The following ABCC8 variants were observed in gnomAD, a reference collection of about 807,000 sequenced individuals.
ABCC8 encodes ATP-binding cassette sub-family C member 8.
A neutral mutation model predicts 188.0 loss-of-function variants in ABCC8; 137 were observed. That is an observed-to-expected ratio of 0.73 (90% CI 0.63 to 0.84). The LOEUF (loss-of-function observed/expected upper bound fraction) is 0.84, where lower values mean the gene tolerates loss of function less well. ABCC8 is among the 40% of genes least tolerant of loss of function. The probability of loss-of-function intolerance (pLI) is 0.00; values close to 1 mark genes in which losing one functional copy is unlikely to be tolerated. For synonymous variants in ABCC8, 797 were observed against 846.5 expected, an observed-to-expected ratio of 0.94 and a Z score of 1.01; for missense variants, 1,750 against 2,072.7, an observed-to-expected ratio of 0.84 and a Z score of 3.02.
At chr11:17,458,676 A>G (rs144083520) in intron 6 of ABCC8, among the ~76,000 whole-genome samples, 1 of 152,338 alleles carries the variant, frequency 6.6e-6, no homozygotes, top group Non-Finnish European at 1.5e-5. Context: ...TAAAGTAGAG[A>G]GGCTCAAAAA....
chr11:17,430,504 A>C (rs541313600), intron 12 of ABCC8: 6 of 415,492 alleles, frequency 1.4e-5, no homozygotes, highest in South Asian at 1.3e-4. Context: ...AGTTAGGACC[A>C]GTGGGTAGAA....
At position 17,397,273 on chromosome 11, in the gene ABCC8, T is replaced by C; in HGVS notation, c.3908A>G (p.Asp1303Gly). 1 of 1,613,344 alleles carries C rather than the reference T, an allele frequency of 6.2e-7. No homozygotes were observed. ...YLNWMVRNLA[D>G]MELQLGAVKR... ...CACAGCCCCCAGCTGGAGCTCCATG[T>C]CTGCCAGGTTCCTCACCATCCAGTT... The change falls in exon 32 of 39, where the codon GAC (aspartate) becomes GGC (glycine). Residue 1303 changes from aspartate to glycine, a missense_variant. Transcript: ENST00000389817.
At chr11:17,395,336 C>A (rs1039460669) in intron 35 of ABCC8, 61 bp from the exon 36 acceptor site, 7 of 1,551,144 alleles carry the variant, frequency 4.5e-6, no homozygotes, top group Non-Finnish European at 5.2e-6. Flanking sequence ...CATCCCCAGG[C>A]GGCAAAGAGG....
intron 10 of ABCC8, among the ~76,000 whole-genome samples, chr11:17,434,984 C>CGCGCGTGTGTGTGTGTGT (rs71457876): frequency 5.5e-5 from 8 of 144,650 alleles, no homozygotes; most frequent in Non-Finnish European, 1.0e-4. Flanking sequence ...CGTGTGTTCG[C>CGCGCGTGTGTGTGTGTGT]GTGTGTGTGT....
chr11:17,401,613 T>C (rs1439362129), intron 29 of ABCC8, among the ~76,000 whole-genome samples: 2 of 152,206 alleles, frequency 1.3e-5, no homozygotes, highest in Admixed American at 1.3e-4. Flanking sequence ...ACTGTCATAC[T>C]TCGTGCAGCT....
intron 5 of ABCC8, 178 bp downstream of exon 5, chr11:17,461,405 C>T (rs1274386459): frequency 1.3e-6 from 1 of 789,506 alleles, no homozygotes; most frequent in Non-Finnish European, 2.1e-6. Context: ...CCTATGAATC[C>T]TCAGCCCTGC....
At chr11:17,457,925 A>G (rs1957053640) in intron 6 of ABCC8, among the ~76,000 whole-genome samples, 1 of 152,212 alleles carries the variant, frequency 6.6e-6, no homozygotes, top group African/African-American at 2.4e-5. Context: ...AAACACTGCA[A>G]CATGTAGCTA....
In ABCC8 at chr11:17,476,602, C is replaced by G. The variant is rs200981193; in HGVS notation, c.148+27G>C. On this transcript the variant is annotated intron_variant, in intron 1 of 38. Transcript: ENST00000389817. ...CTCCCTCCCTGCTCTCCCGTCCCCT[C>G]CTCCGCGGCTCGCTGCGCGCACTCA... The G allele has an allele frequency of 2.1e-5, 34 of 1,608,030 alleles. No homozygotes were observed. In the African/African-American group the frequency reaches 3.8e-4, roughly 18 times the overall value.
At chr11:17,465,672 C>T (rs2133694683) in intron 3 of ABCC8, 1 of 152,304 alleles carries the variant, frequency 6.6e-6, no homozygotes, top group African/African-American at 2.4e-5. Context: ...ATTCTTCTCC[C>T]TCGCCCCACA....
At chr11:17,443,423 C>G in intron 8 of ABCC8, 111 bp from the exon 9 acceptor site, 1 of 1,575,516 alleles carries the variant, frequency 6.3e-7, no homozygotes, top group Admixed American at 1.8e-5. Flanking sequence ...AGCCTTGGTG[C>G]CCAGGTTTCC....
intron 22 of ABCC8, among the ~76,000 whole-genome samples, chr11:17,409,253 G>A (rs894641740): frequency 2.0e-5 from 3 of 151,970 alleles, no homozygotes; most frequent in East Asian, 1.9e-4. Context: ...CACCGCGCCC[G>A]GCTCAATAAA....
chr11:17,446,470 G>C (rs565510217), intron 8 of ABCC8, among the ~76,000 whole-genome samples: 3 of 152,136 alleles, frequency 2.0e-5, no homozygotes, highest in Non-Finnish European at 4.4e-5. Context: ...TTAGAGATGA[G>C]GTCTCTCTAT....
At chr11:17,453,514 A>G (rs535882535) in intron 6 of ABCC8, among the ~76,000 whole-genome samples, 1 of 152,248 alleles carries the variant, frequency 6.6e-6, no homozygotes, top group African/African-American at 2.4e-5. Context: ...CACTTGGGGG[A>G]ACAGAATGGG....
chr11:17,431,977 C>G (rs1346223299), intron 11 of ABCC8, among the ~76,000 whole-genome samples: 2 of 152,180 alleles, frequency 1.3e-5, no homozygotes, highest in Non-Finnish European at 2.9e-5. Flanking sequence ...TTTAATTTCT[C>G]TAAATACTAA....
At chr11:17,463,114 C>T (rs994857239) in intron 4 of ABCC8, among the ~76,000 whole-genome samples, 24 of 152,038 alleles carry the variant, frequency 1.6e-4, no homozygotes, top group African/African-American at 5.3e-4. Flanking sequence ...AAAGCAAAGT[C>T]CCCCACCCCC....
At chr11:17,428,004 A>C (rs1955663698) in intron 14 of ABCC8, 62 bp from the exon 15 acceptor site, 4 of 1,594,914 alleles carry the variant, frequency 2.5e-6, no homozygotes, top group Non-Finnish European at 2.6e-6. Flanking sequence ...CCCAGTGAAT[A>C]GTCTCTGGCT....
At chr11:17,392,538 A>C (rs1218325192), downstream of ABCC8, 3 of 273,590 alleles carry the variant, frequency 1.1e-5, no homozygotes, top group Admixed American at 5.0e-5. Flanking sequence ...CTTTTAAGAC[A>C]CAGAGAGAAA....
chr11:17,404,721 T>C lies in ABCC8; in HGVS notation c.3400-52A>G. On this transcript the variant is annotated intron_variant, in intron 27 of 38. Transcript: ENST00000389817. This position sits in a 1 kb window ranked among gnomAD's most constrained non-coding sequence, Gnocchi z 4.7. ...AGGTGAATTTTGGTATTGACTGTGT[T>C]TAGAGTGCTACTGGCCGCCATGTTT... is the stretch of plus-strand genomic sequence containing the variant. 6.4e-7 allele frequency: 1 copy of C among 1,560,698 alleles called. No homozygotes were observed. The highest frequency in any genetic ancestry group is 8.7e-7 in the Non-Finnish European group (1 of 1,153,180).
At position 17,442,838 on chromosome 11, in the gene ABCC8, G is replaced by A. The variant is rs148811815; in HGVS notation, c.1512C>T (p.Arg504=). 79 of 1,613,920 alleles carry A rather than the reference G, an allele frequency of 4.9e-5. No homozygotes were observed. Among genetic ancestry groups the A allele is most frequent in the Non-Finnish European group, 5.8e-5 (69 of 1,180,042 alleles). Residue 504 remains arginine (R), a synonymous_variant, in exon 10 of 39, where the codon CGC becomes CGT. Transcript: ENST00000389817. ...CGTACAGCTTCAGCAGCTTGATGCC[G>A]CGGAGCATCTCGTTGGTCTGCTTCA... ...ERLKQTNEML[R]GIKLLKLYAW...
Sources: allele counts gnomAD v4.1 joint callset (sites outside exome capture counted in the v4.1 genomes callset), GRCh38; gene constraint gnomAD v4.1.1; non-coding constraint Gnocchi (gnomAD v3.1); transcripts MANE v1.5; gene names NCBI Gene and HGNC (gene_info 2026-07-23, HGNC 2026-07-21).